Variants in ATRNL1 observed in about 807,000 individuals in gnomAD.
The protein encoded by ATRNL1 is attractin-like protein 1.
Under a neutral mutation model 182.7 loss-of-function variants are expected in ATRNL1, and 95 were observed. The ratio of observed to expected loss-of-function variants is 0.52; its 90% confidence interval spans 0.44 to 0.62. The LOEUF (loss-of-function observed/expected upper bound fraction) is 0.62. Among genes scored for constraint, ATRNL1 ranks in the 20% least tolerant of loss-of-function variants. The pLI, the probability that ATRNL1 is intolerant of heterozygous loss-of-function variation, is 0.00. For missense variants in ATRNL1, 1,471 were observed against 1,679.5 expected, an observed-to-expected ratio of 0.88 and a Z score of 2.17; for synonymous variants, 576 against 568.3, an observed-to-expected ratio of 1.01 and a Z score of -0.19.
intron 27 of ATRNL1, among the ~76,000 whole-genome samples, chr10:115,763,761 T>G (rs183338648): frequency 5.3e-5 from 8 of 152,328 alleles, no homozygotes; most frequent in African/African-American, 1.4e-4. Flanking sequence ...CATATACATA[T>G]GTATGTATGT....
chr10:115,762,442 A>T (rs2960711), intron 27 of ATRNL1, among the ~76,000 whole-genome samples: 144,562 of 152,118 alleles, frequency 0.95, 69,105 homozygotes, highest in East Asian at 1. Flanking sequence ...AAAAGTTCAA[A>T]ATTAAGAATT....
At chr10:115,815,652 T>C (rs1950147831) in intron 27 of ATRNL1, among the ~76,000 whole-genome samples, 1 of 152,144 alleles carries the variant, frequency 6.6e-6, no homozygotes, top group African/African-American at 2.4e-5. Context: ...TCTTTTCATT[T>C]TTAATCTATC....
At chr10:115,663,800 G>C (rs1225555853) in intron 26 of ATRNL1, among the ~76,000 whole-genome samples, 3 of 152,088 alleles carry the variant, frequency 2.0e-5, no homozygotes, top group Admixed American at 6.6e-5. Context: ...TTAGGATTAA[G>C]GTTCCTCTAA....
chr10:115,526,736 A>C (rs1851237090), intron 25 of ATRNL1, among the ~76,000 whole-genome samples: 1 of 152,096 alleles, frequency 6.6e-6, no homozygotes, highest in South Asian at 2.1e-4. Context: ...ATAAGCAATA[A>C]ACGTGTTAGG....
At chr10:115,847,757 A>G in intron 27 of ATRNL1, 120 bp from the exon 28 acceptor site, 1 of 642,416 alleles carries the variant, frequency 1.6e-6, no homozygotes, top group South Asian at 1.8e-5. Flanking sequence ...AAAATAACAC[A>G]TGGTGTGTCC....
At chr10:115,418,028 C>T (rs976401392) in intron 20 of ATRNL1, among the ~76,000 whole-genome samples, 1 of 152,308 alleles carries the variant, frequency 6.6e-6, no homozygotes, top group Non-Finnish European at 1.5e-5. Context: ...CCATAAGCAT[C>T]AAGATCATTC....
intron 28 of ATRNL1, among the ~76,000 whole-genome samples, chr10:115,884,803 A>G (rs563681025): frequency 6.6e-6 from 1 of 152,328 alleles, no homozygotes; most frequent in East Asian, 1.9e-4. Context: ...ATTTACAGGG[A>G]CAGAATTACA....
chr10:115,550,187 A>G (rs1223500016), intron 26 of ATRNL1, among the ~76,000 whole-genome samples: 1 of 151,888 alleles, frequency 6.6e-6, no homozygotes, highest in African/African-American at 2.4e-5. Flanking sequence ...GAGCAAAAGT[A>G]TGCAGTAGAT....
At chr10:115,363,369 G>GT (rs1342568034) in intron 19 of ATRNL1, among the ~76,000 whole-genome samples, 5 of 138,226 alleles carry the variant, frequency 3.6e-5, no homozygotes, top group African/African-American at 8.0e-5. Context: ...GGGGTTGTTT[G>GT]TTTTTTTCTT....
At chr10:115,568,341 A>G (rs1395195213) in intron 26 of ATRNL1, among the ~76,000 whole-genome samples, 1 of 152,104 alleles carries the variant, frequency 6.6e-6, no homozygotes, top group African/African-American at 2.4e-5. Context: ...TAATTTAATT[A>G]TCTGAATACA....
chr10:115,587,458 G>A (rs142238983), intron 26 of ATRNL1, among the ~76,000 whole-genome samples: 70,410 of 149,122 alleles, frequency 0.47, 18,326 homozygotes, highest in East Asian at 0.84. Context: ...ATATAATCTC[G>A]TGGTGTGCCG....
intron 19 of ATRNL1, among the ~76,000 whole-genome samples, chr10:115,372,597 C>G (rs1857455181): frequency 6.6e-6 from 1 of 152,042 alleles, no homozygotes. Flanking sequence ...ATGTAAATAT[C>G]CAGTGTTCCT....
At chr10:115,319,934 A>C (rs1414219716) in intron 18 of ATRNL1, among the ~76,000 whole-genome samples, 1 of 151,644 alleles carries the variant, frequency 6.6e-6, no homozygotes, top group Non-Finnish European at 1.5e-5. Flanking sequence ...TCCTGTCATC[A>C]TGATGCTATC....
intron 26 of ATRNL1, among the ~76,000 whole-genome samples, chr10:115,579,987 A>C (rs1854969774): frequency 6.6e-6 from 1 of 152,060 alleles, no homozygotes; most frequent in Admixed American, 6.6e-5. Context: ...GCCAGAATTC[A>C]CTGCTTTTAC....
intron 28 of ATRNL1, among the ~76,000 whole-genome samples, chr10:115,878,555 A>G (rs1330298671): frequency 6.6e-6 from 1 of 152,192 alleles, no homozygotes; most frequent in Non-Finnish European, 1.5e-5. Context: ...GGGTACAAGT[A>G]TATTTTCTCT....
intron 11 of ATRNL1, among the ~76,000 whole-genome samples, chr10:115,266,209 A>AT (rs1372626042): frequency 6.6e-6 from 1 of 151,700 alleles, no homozygotes; most frequent in African/African-American, 2.4e-5. Context: ...CTTGGTATTA[A>AT]TTTAGTATTG....
At chr10:115,469,367 A>G in intron 24 of ATRNL1, 38 bp downstream of exon 24, 1 of 1,304,542 alleles carries the variant, frequency 7.7e-7, no homozygotes, top group Non-Finnish European at 1.0e-6. Flanking sequence ...TGACCATAAT[A>G]TCATTAAGAA....
intron 26 of ATRNL1, among the ~76,000 whole-genome samples, chr10:115,565,755 T>C (rs782640475): frequency 2.6e-5 from 4 of 152,164 alleles, no homozygotes; most frequent in Non-Finnish European, 5.9e-5. Context: ...AGTCGTTATA[T>C]ATTTTGCAAA....
chr10:115,557,918 G>A (rs36093626), intron 26 of ATRNL1, among the ~76,000 whole-genome samples: 27,108 of 151,780 alleles, frequency 0.18, 3,046 homozygotes, highest in Non-Finnish European at 0.25. Flanking sequence ...GGTGGTGCAC[G>A]CCTGTAGTCC....
Sources: allele counts gnomAD v4.1 joint callset (sites outside exome capture counted in the v4.1 genomes callset), GRCh38; gene constraint gnomAD v4.1.1; transcripts MANE v1.5; gene names NCBI Gene and HGNC (gene_info 2026-07-23, HGNC 2026-07-21).